Variants in CCDC178 observed in about 807,000 individuals in gnomAD.
CCDC178 encodes the protein coiled-coil domain containing 178.
CCDC178 carries 126 observed loss-of-function variants against 117.4 expected under a neutral mutation model. The observed-to-expected ratio is 1.07, with a 90% CI of 0.93 to 1.24. The LOEUF (loss-of-function observed/expected upper bound fraction) is 1.24, where lower values mean the gene tolerates loss of function less well. CCDC178 is among the 50% of genes most tolerant of loss of function. The pLI is 0.00. For synonymous variants in CCDC178, 283 were observed against 313.4 expected (o/e 0.90, Z 1.02); for missense variants, 1,030 against 986.9 (o/e 1.04, Z -0.59).
At chr18:33,422,024 C>T (rs1427408996) in intron 2 of CCDC178, among the ~76,000 whole-genome samples, 1 of 152,168 alleles carries the variant, frequency 6.6e-6, no homozygotes, top group Non-Finnish European at 1.5e-5. Context: ...GACATCTGTG[C>T]CCTTCCTCAC....
intron 10 of CCDC178, among the ~76,000 whole-genome samples, chr18:33,325,621 G>A (rs2062574606): frequency 6.6e-6 from 1 of 152,012 alleles, no homozygotes; most frequent in Non-Finnish European, 1.5e-5. Flanking sequence ...CGCAAGTGCA[G>A]TATCACCAGC....
chr18:33,183,098 C>T (rs56092912), intron 20 of CCDC178, among the ~76,000 whole-genome samples: 7,742 of 151,770 alleles, frequency 0.051, 303 homozygotes, highest in East Asian at 0.11. Context: ...GTTATTTCAC[C>T]GATATATGCA....
intron 2 of CCDC178, among the ~76,000 whole-genome samples, chr18:33,431,515 A>G (rs1215014649): frequency 6.6e-6 from 1 of 152,206 alleles, no homozygotes; most frequent in Non-Finnish European, 1.5e-5. Flanking sequence ...AATTTACACC[A>G]ATTCACATTA....
intron 22 of CCDC178, among the ~76,000 whole-genome samples, chr18:32,972,059 AT>A (rs1459405779): frequency 6.6e-6 from 1 of 151,896 alleles, no homozygotes; most frequent in Admixed American, 6.6e-5. Flanking sequence ...TTTTTTTGAA[AT>A]TGGTTTTGGT....
intron 11 of CCDC178, among the ~76,000 whole-genome samples, chr18:33,299,910 G>C (rs983193287): frequency 3.3e-5 from 5 of 152,080 alleles, no homozygotes; most frequent in African/African-American, 1.2e-4. Flanking sequence ...AGCCAATTAG[G>C]ATGGATATTA....
At chr18:33,285,527 A>G (rs536831713) in intron 12 of CCDC178, among the ~76,000 whole-genome samples, 9 of 152,308 alleles carry the variant, frequency 5.9e-5, no homozygotes, top group African/African-American at 2.2e-4. Flanking sequence ...ACAAATTAAG[A>G]ACACCGGAAT....
At chr18:33,001,187 A>G (rs1023907198) in intron 21 of CCDC178, among the ~76,000 whole-genome samples, 1 of 152,202 alleles carries the variant, frequency 6.6e-6, no homozygotes, top group Non-Finnish European at 1.5e-5. Flanking sequence ...TTCAAGCCTC[A>G]TGATAACCTC....
intron 21 of CCDC178, among the ~76,000 whole-genome samples, chr18:33,023,993 C>T (rs1378300707): frequency 6.6e-6 from 1 of 152,066 alleles, no homozygotes. Flanking sequence ...TTGGCAACTT[C>T]GATGAAATTA....
intron 6 of CCDC178, among the ~76,000 whole-genome samples, chr18:33,360,367 G>A (rs969512266): frequency 6.6e-6 from 1 of 150,994 alleles, no homozygotes; most frequent in Non-Finnish European, 1.5e-5. Context: ...ATCAACAGAT[G>A]GACAGATACC....
intron 16 of CCDC178, 46 bp from the exon 17 acceptor site, chr18:33,224,982 C>T (rs2059285728): frequency 1.5e-6 from 2 of 1,370,304 alleles, no homozygotes; most frequent in Admixed American, 2.7e-5. Flanking sequence ...TTAACTTAAA[C>T]ATTTATTGAG....
chr18:33,273,905 CT>C (rs2059915854), intron 12 of CCDC178, among the ~76,000 whole-genome samples: 1 of 151,614 alleles, frequency 6.6e-6, no homozygotes, highest in Non-Finnish European at 1.5e-5. Context: ...AGTTTTTAAA[CT>C]TTTTAATATC....
intron 21 of CCDC178, among the ~76,000 whole-genome samples, chr18:33,005,200 T>C (rs1274956710): frequency 6.6e-6 from 1 of 152,092 alleles, no homozygotes; most frequent in Non-Finnish European, 1.5e-5. Context: ...ATCACCATGA[T>C]TTGTAAACAA....
chr18:33,341,130 C>T (rs906111777), intron 9 of CCDC178, among the ~76,000 whole-genome samples: 6 of 152,288 alleles, frequency 3.9e-5, no homozygotes, highest in Admixed American at 1.3e-4. Context: ...CTTACATCAG[C>T]ATGACCTGGA....
Position 32,991,243 on chromosome 18 carries a change from C to A in CCDC178, c.2389-16562G>T, listed in dbSNP as rs529689428. 2.6e-5 allele frequency among the ~76,000 whole-genome samples: 4 copies of A among 152,226 alleles called. No individual in the cohort carries two copies. In the East Asian group the frequency reaches 7.7e-4, roughly 29 times the overall value. ...TGACTTCATATCCTATCCTTTTAAT[C>A]ATTGCACTTGATAAATGTTTGCCGG... On this transcript the variant is annotated intron_variant, in intron 21 of 22. Transcript: ENST00000383096.
At chr18:33,032,943 G>A (rs899301591) in intron 21 of CCDC178, among the ~76,000 whole-genome samples, 1 of 151,956 alleles carries the variant, frequency 6.6e-6, no homozygotes, top group Admixed American at 6.6e-5. Flanking sequence ...GGGTAAATTT[G>A]ATCATATTGA....
chr18:33,201,886 C>A (rs1354344682), intron 20 of CCDC178, among the ~76,000 whole-genome samples: 1 of 152,138 alleles, frequency 6.6e-6, no homozygotes, highest in Non-Finnish European at 1.5e-5. Context: ...GTTTACCAAA[C>A]TGAATAGAAA....
intron 21 of CCDC178, among the ~76,000 whole-genome samples, chr18:33,042,524 A>C (rs1300931382): frequency 2.0e-5 from 3 of 151,886 alleles, no homozygotes; most frequent in Admixed American, 6.6e-5. Flanking sequence ...AGAGACCAAA[A>C]ATGCAATATA....
chr18:33,024,263 A>G (rs1349977434), intron 21 of CCDC178, among the ~76,000 whole-genome samples: 1 of 152,186 alleles, frequency 6.6e-6, no homozygotes, highest in Non-Finnish European at 1.5e-5. Context: ...AAACAACAGA[A>G]ACTATTTTTT....
chr18:32,991,368 A>T (rs76065538), intron 21 of CCDC178, among the ~76,000 whole-genome samples: 5,162 of 152,248 alleles, frequency 0.034, 135 homozygotes, highest in East Asian at 0.08. Context: ...ATGCCTAATG[A>T]CATTTACAAC....
Sources: allele counts gnomAD v4.1 joint callset (sites outside exome capture counted in the v4.1 genomes callset), GRCh38; gene constraint gnomAD v4.1.1; transcripts MANE v1.5; gene names NCBI Gene and HGNC (gene_info 2026-07-23, HGNC 2026-07-21).